DNHD1: variants seen among roughly 807,000 people sequenced by gnomAD.
DNHD1 encodes dynein heavy chain domain-containing protein 1.
In DNHD1, 383 loss-of-function variants were observed where a neutral mutation model predicts 458.1. The observed-to-expected ratio is 0.84, with a 90% CI of 0.77 to 0.91. DNHD1 has a LOEUF of 0.91. Ranked by LOEUF, DNHD1 falls within the 40% of genes least tolerant of loss-of-function variation. The probability of loss-of-function intolerance (pLI) is 0.00; values close to 1 mark genes in which losing one functional copy is unlikely to be tolerated. For missense variants in DNHD1, 5,336 were observed against 5,866.1 expected, an observed-to-expected ratio of 0.91 and a Z score of 2.95; for synonymous variants, 2,203 against 2,376.9, an observed-to-expected ratio of 0.93 and a Z score of 2.13.
chr11:6,546,351 C>T lies in DNHD1; in HGVS notation c.5412C>T (p.Leu1804=). ...HVSVRLGYGC[L]LVLRALSSAV... ...CTGTGCGCCTTGGCTATGGCTGTCT[C>T]CTGGTACTGCGTGCCCTGAGCTCTG... The change falls in exon 21 of 43, where the codon CTC becomes CTT. Residue 1804 remains leucine (L), a synonymous_variant. Transcript: ENST00000254579. 6.4e-7 allele frequency: 1 copy of T among 1,552,324 alleles called. No individual in the cohort carries two copies. The highest frequency in any genetic ancestry group is 8.7e-7 in the Non-Finnish European group (1 of 1,147,142).
At chr11:6,542,762 C>G (rs1441766838) in intron 18 of DNHD1, among the ~76,000 whole-genome samples, 4 of 152,206 alleles carry the variant, frequency 2.6e-5, no homozygotes, top group African/African-American at 9.7e-5. Context: ...TTATTAATCT[C>G]CCCTTTAGAT....
chr11:6,507,008 A>G (rs1009653913), intron 4 of DNHD1, among the ~76,000 whole-genome samples: 1 of 152,220 alleles, frequency 6.6e-6, no homozygotes. Context: ...AGGTGCAAGC[A>G]AGATGGAGTT....
In DNHD1 at chr11:6,568,118, G is replaced by A. The variant is rs756970014; in HGVS notation, c.12414G>A (p.Val4138=). 3.2e-6 allele frequency: 5 copies of A among 1,569,092 alleles called. No individual in the cohort carries two copies. The East Asian group carries it at 1.2e-4, about 37-fold the overall frequency. The change falls in exon 37 of 43, where the codon GTG becomes GTA. Residue 4138 remains valine (V), a synonymous_variant. Coordinates refer to ENST00000254579, the MANE Select transcript of DNHD1 (RefSeq NM_144666.3). ...AAGCCTGGGACCCAGTCTCAGTTGT[G>A]GTCAGCACTCTATCCCAGGCTATGT... The part of the protein sequence containing the change: ...GSEAWDPVSV[V]VSTLSQAMYE...
At position 6,557,540 on chromosome 11, in the gene DNHD1, C is replaced by G. The variant is rs1178212476; in HGVS notation, c.8245C>G (p.Leu2749Val). 2 of 1,551,728 alleles carry G rather than the reference C, an allele frequency of 1.3e-6. No homozygotes were observed. The highest frequency in any genetic ancestry group is 1.2e-5 in the South Asian group (1 of 84,060). The change falls in exon 25 of 43, where the codon CTA becomes GTA. Residue 2749 changes from leucine to valine, a missense_variant. Physicochemically the swap from Leu to Val is conservative, Grantham distance 32 (BLOSUM62 1). Around this residue, in one of 4 missense-constraint regions of DNHD1, gnomAD observed 3,932 missense variants for 4,365.6 expected, o/e 0.90. Coordinates refer to ENST00000254579, the MANE Select transcript of DNHD1 (RefSeq NM_144666.3). The part of the protein sequence containing the change: ...ARVSNSRDPS[L>V]TPSIGPVSRG... ...AGTCTCAAACTCCAGAGATCCAAGT[C>G]TAACACCATCCATAGGACCAGTAAG...
In DNHD1 at chr11:6,548,149, G is replaced by A; in HGVS notation, c.6906-61G>A. On this transcript the variant is annotated intron_variant, in intron 22 of 42. Transcript: ENST00000254579. The surrounding 1 kb of genome is among the most constrained non-coding windows in gnomAD (Gnocchi z 4.4). ...TTAGGGTATGGTGGAGTGTGTGAGTGTGTCATAAATGGAAGTGTTGTAACT... is the reference window on the plus strand; with the variant it reads ...TTAGGGTATGGTGGAGTGTGTGAGTATGTCATAAATGGAAGTGTTGTAACT... 1.9e-6 allele frequency: 3 copies of A among 1,544,780 alleles called. No individual in the cohort carries two copies. Among genetic ancestry groups the A allele is most frequent in the Non-Finnish European group, 1.8e-6 (2 of 1,140,998 alleles).
intron 17 of DNHD1, 121 bp from the exon 18 acceptor site, chr11:6,539,755 C>A: frequency 1.2e-6 from 1 of 862,304 alleles, no homozygotes; most frequent in Non-Finnish European, 1.8e-6. Flanking sequence ...ATCTCTGAGA[C>A]CTCCACTTTC....
Position 6,565,718 on chromosome 11 carries a change from A to AAG in DNHD1, c.10789_10790dup (p.Ser3597ArgfsTer6). 3 of 1,548,992 alleles carry AAG rather than the reference A, an allele frequency of 1.9e-6. No individual in the cohort carries two copies. Among genetic ancestry groups the AAG allele is most frequent in the Middle Eastern group, 1.7e-4 (1 of 5,982 alleles). On this transcript the variant is annotated frameshift_variant, in exon 33 of 43. Coordinates refer to ENST00000254579, the MANE Select transcript of DNHD1 (RefSeq NM_144666.3). LOFTEE classifies it high-confidence loss of function. ...AGGGAAAGGCCTCATGAGAAATCAAAAGAGAGAGAGTAAAACGGACATGAA... is the reference window on the plus strand; with the variant it reads ...AGGGAAAGGCCTCATGAGAAATCAAAAGAGAGAGAGAGTAAAACGGACATGAA...
Position 6,570,964 on chromosome 11 carries a change from C to T in DNHD1, c.13452C>T (p.Val4484=), listed in dbSNP as rs776832099. The T allele has an allele frequency of 4.4e-6, 7 of 1,607,444 alleles. No homozygotes were observed. In the South Asian group the frequency reaches 7.7e-5, roughly 18 times the overall value. ...GPNARRPLEG[V]LETEALELSQ... ...ATGCACGGCGGCCTCTGGAGGGCGT[C>T]TTAGAGACCGAGGCTCTAGAACTGA... Residue 4484 remains valine (V), a synonymous_variant, in exon 42 of 43, where the codon GTC becomes GTT. Transcript: ENST00000254579.
chr11:6,500,001 G>A (rs1007136076), intron 3 of DNHD1, among the ~76,000 whole-genome samples: 1 of 143,964 alleles, frequency 6.9e-6, no homozygotes, highest in African/African-American at 2.6e-5. Flanking sequence ...GTCTCACTCT[G>A]TCGCCCAGGC....
chr11:6,549,756 C>G lies in DNHD1; in HGVS notation c.7387+823C>G, dbSNP rs1853297252. Among the ~76,000 whole-genome samples the G allele has an allele frequency of 2.0e-5, 3 of 152,148 alleles. 1 individual carries two copies. Among genetic ancestry groups the G allele is most frequent in the South Asian group, 4.1e-4 (2 of 4,826 alleles). On this transcript the variant is annotated intron_variant, in intron 24 of 42. Transcript: ENST00000254579. Reference sequence around the variant, plus strand: ...CACCACACTTGGAGATTTATGAGAACAGAGAACAGAAATTTGTCTCATTCA... The same window carrying G: ...CACCACACTTGGAGATTTATGAGAAGAGAGAACAGAAATTTGTCTCATTCA...
At chr11:6,501,301 A>ATTT (rs5789468) in intron 3 of DNHD1, among the ~76,000 whole-genome samples, 1 of 144,728 alleles carries the variant, frequency 6.9e-6, no homozygotes, top group Non-Finnish European at 1.5e-5. Flanking sequence ...CTGGGTAGGG[A>ATTT]TTTTTTTTTT....
chr11:6,526,854 C>T (rs1231085601), intron 10 of DNHD1, among the ~76,000 whole-genome samples: 1 of 152,198 alleles, frequency 6.6e-6, no homozygotes, highest in African/African-American at 2.4e-5. Context: ...TCCAGTTTTA[C>T]CTGCTGTTCT....
rs752934388 is a variant in DNHD1 at position 6,567,527 on chromosome 11, G to A, written c.12018G>A (p.Leu4006=). The A allele has an allele frequency of 6.2e-7, 1 of 1,613,472 alleles. No individual in the cohort carries two copies. The highest frequency in any genetic ancestry group is 2.2e-5 in the East Asian group (1 of 44,874). ...CATTTGTTGGCCTGTGTGCCTCCCT[G>A]GCAGGCCACTCCAGTGCTTGGCAGG... ...LPPFVGLCAS[L]AGHSSAWQAY... is the part of the protein sequence containing the mutation. Residue 4006 remains leucine (L), a synonymous_variant, in exon 36 of 43, where the codon CTG becomes CTA. Transcript: ENST00000254579.
In DNHD1 at chr11:6,565,683, T is replaced by G. The variant is rs1484000067; in HGVS notation, c.10757-12T>G. On this transcript the variant is annotated splice_polypyrimidine_tract_variant and intron_variant, in intron 32 of 42. Transcript: ENST00000254579. ...CCCCTAAGAAGAGCTCCTCTGAATCTTTCTGCCCCAGGGAAAGGCCTCATG... is the reference window on the plus strand; with the variant it reads ...CCCCTAAGAAGAGCTCCTCTGAATCGTTCTGCCCCAGGGAAAGGCCTCATG... The G allele has an allele frequency of 1.3e-6, 2 of 1,537,654 alleles. No individual in the cohort carries two copies. Among genetic ancestry groups the G allele is most frequent in the Non-Finnish European group, 1.8e-6 (2 of 1,141,544 alleles).
intron 14 of DNHD1, among the ~76,000 whole-genome samples, chr11:6,534,385 G>A (rs1319147940): frequency 6.6e-6 from 1 of 152,178 alleles, no homozygotes; most frequent in East Asian, 1.9e-4. Flanking sequence ...GGGGGTATGG[G>A]GGCTCACAGT....
chr11:6,540,018 G>C lies in DNHD1; in HGVS notation c.3563G>C (p.Arg1188Thr), dbSNP rs1795226656. ...CCCCCAGCCTCAGAGCGCTCCAAGAGGCAGGTGCTCCGCAGCCCCCAATGG... is the reference window on the plus strand; with the variant it reads ...CCCCCAGCCTCAGAGCGCTCCAAGACGCAGGTGCTCCGCAGCCCCCAATGG... The part of the protein sequence containing the change: ...YEPPASERSK[R>T]QVLRSPQWEV... Residue 1188 changes from arginine to threonine, a missense_variant, in exon 18 of 43, where the codon AGG becomes ACG. By Grantham distance (71) the Arg-to-Thr change is moderately conservative. Transcript: ENST00000254579. The C allele has an allele frequency of 6.4e-7, 1 of 1,551,694 alleles. No individual in the cohort carries two copies. Among genetic ancestry groups the C allele is most frequent in the Non-Finnish European group, 8.7e-7 (1 of 1,146,926 alleles).
rs568186563 is a variant in DNHD1, at chr11:6,505,998, G to T, written c.921-2882G>T. Among the ~76,000 whole-genome samples the T allele has an allele frequency of 3.3e-5, 5 of 152,244 alleles. No homozygotes were observed. The East Asian group carries it at 7.7e-4, about 24-fold the overall frequency. ...TCTTTTATAATTAGAGAAGCATCTC[G>T]ATCAAAGACAGTTAGGCACATAAAG... On this transcript the variant is annotated intron_variant, in intron 4 of 42. Transcript: ENST00000254579. The surrounding 1 kb of genome is among the most constrained non-coding windows in gnomAD (Gnocchi z 4.4).
chr11:6,532,925 T>C lies in DNHD1; in HGVS notation c.2348-102T>C. On this transcript the variant is annotated intron_variant, in intron 12 of 42. Coordinates refer to ENST00000254579, the MANE Select transcript of DNHD1 (RefSeq NM_144666.3). ...AAGCATTAAATGAGATAATTCATGGTCTGACCTGCCATTCAGCCTACTCCC... is the reference window on the plus strand; with the variant it reads ...AAGCATTAAATGAGATAATTCATGGCCTGACCTGCCATTCAGCCTACTCCC... The C allele has an allele frequency of 2.7e-6, 3 of 1,091,536 alleles. No homozygotes were observed. The East Asian group carries it at 7.8e-5, about 28-fold the overall frequency. 67.6% of individuals were successfully genotyped at this position (1,091,536 alleles called of 1,614,324 possible).
At chr11:6,552,222 T>A (rs1589889231) in intron 24 of DNHD1, among the ~76,000 whole-genome samples, 1 of 135,096 alleles carries the variant, frequency 7.4e-6, no homozygotes, top group East Asian at 2.0e-4. Flanking sequence ...ACTGGGTAAT[T>A]CATAAAGAAA....
Sources: gnomAD v4.1 joint callset for allele counts (sites outside exome capture counted in the v4.1 genomes callset) on GRCh38, gnomAD v4.1.1 for gene constraint, gnomAD v4.1.1 regional missense constraint, Gnocchi (gnomAD v3.1) non-coding constraint, MANE v1.5 for transcripts, NCBI Gene and HGNC (gene_info 2026-07-23, HGNC 2026-07-21) for gene names.